Variants in JUP observed in about 807,000 individuals in gnomAD.
The protein encoded by JUP is catenin (cadherin-associated protein), gamma 80kDa.
JUP carries 28 observed loss-of-function variants against 71.1 expected under a neutral mutation model. The observed-to-expected ratio is 0.39, with a 90% CI of 0.29 to 0.54. The LOEUF is 0.54. Among genes scored for constraint, JUP ranks in the 20% least tolerant of loss-of-function variants. The pLI, the probability that JUP is intolerant of heterozygous loss-of-function variation, is 0.62. For missense variants in JUP, 869 were observed against 1,030.1 expected (o/e 0.84, Z 2.14); for synonymous variants, 401 against 438.9 (o/e 0.91, Z 1.08).
intron 1 of JUP, chr17:41,786,148 G>A (rs541184156): frequency 6.6e-6 from 1 of 152,282 alleles, no homozygotes; most frequent in African/African-American, 2.4e-5. Flanking sequence ...CGAGGATGAC[G>A]CGTGGGGTGG....
chr17:41,760,237 TTTTTTTTGTTTGTTTG>T (rs782573612), intron 8 of JUP, among the ~76,000 whole-genome samples: 20 of 151,196 alleles, frequency 1.3e-4, no homozygotes, highest in Non-Finnish European at 2.2e-4. Context: ...CTGCACTGGG[TTTTTTTTGTTTGTTTG>T]TTTTTTTGTT....
intron 2 of JUP, among the ~76,000 whole-genome samples, chr17:41,770,189 A>T (rs1472640930): frequency 6.6e-6 from 1 of 152,088 alleles, no homozygotes; most frequent in Non-Finnish European, 1.5e-5. Flanking sequence ...CAATCCTCCC[A>T]CTATACAGGC....
intron 1 of JUP, among the ~76,000 whole-genome samples, chr17:41,782,136 G>C (rs1288719856): frequency 6.6e-6 from 1 of 152,054 alleles, no homozygotes; most frequent in African/African-American, 2.4e-5. Context: ...CCAAATCCAG[G>C]CCCATTCTGG....
intron 5 of JUP, among the ~76,000 whole-genome samples, chr17:41,766,014 G>C (rs1308739917): frequency 6.6e-6 from 1 of 152,108 alleles, no homozygotes; most frequent in Non-Finnish European, 1.5e-5. Flanking sequence ...CCAGCATTTC[G>C]GAGGCTGAAG....
At chr17:41,777,014 A>G (rs2046918777) in intron 1 of JUP, among the ~76,000 whole-genome samples, 1 of 152,216 alleles carries the variant, frequency 6.6e-6, no homozygotes, top group Non-Finnish European at 1.5e-5. Context: ...CTCAAAAAAA[A>G]AGAAAAATAA....
chr17:41,778,627 T>A (rs1282118045), intron 1 of JUP, among the ~76,000 whole-genome samples: 1 of 150,926 alleles, frequency 6.6e-6, no homozygotes, highest in East Asian at 2.0e-4. Flanking sequence ...AACAAAAGGA[T>A]GTTGCCGAGC....
rs1474049668 is a variant in JUP at position 41,754,691 on chromosome 17, A to C, written c.*1053T>G. ...AAACATAAAGCGATAATAATAAAAC[A>C]CTCTGCTTGGACCTCCCCCAGCCCC... is the stretch of plus-strand genomic sequence containing the variant. On this transcript the variant is annotated 3_prime_UTR_variant, in exon 14 of 14. Coordinates refer to ENST00000393931, the MANE Select transcript of JUP (RefSeq NM_002230.4). 1 of 152,702 alleles carries C rather than the reference A, an allele frequency of 6.5e-6. No individual in the cohort carries two copies. The highest frequency in any genetic ancestry group is 1.5e-5 in the Non-Finnish European group (1 of 68,110). The allele number at this position is 152,702 out of a possible 1,614,324, so 9.5% of individuals were successfully genotyped here. A position where few individuals can be genotyped will look rare whatever the true frequency, so the allele number is the denominator to read the frequency against.
chr17:41,763,718 G>T (rs1484505476), intron 7 of JUP, among the ~76,000 whole-genome samples: 2 of 152,116 alleles, frequency 1.3e-5, no homozygotes, highest in African/African-American at 4.8e-5. Flanking sequence ...TGAGGGGGCC[G>T]CATGATTCAG....
intron 1 of JUP, among the ~76,000 whole-genome samples, chr17:41,778,018 G>A (rs1458653082): frequency 1.3e-5 from 2 of 152,198 alleles, no homozygotes; most frequent in Non-Finnish European, 2.9e-5. Context: ...GTTGACGTGT[G>A]TTGGTGACGC....
intron 1 of JUP, among the ~76,000 whole-genome samples, chr17:41,783,912 A>G (rs1368705921): frequency 6.6e-6 from 1 of 151,526 alleles, no homozygotes; most frequent in Non-Finnish European, 1.5e-5. Context: ...AAAAAAAAAA[A>G]AAAAAGAAAG....
At chr17:41,781,569 G>C (rs544351702) in intron 1 of JUP, among the ~76,000 whole-genome samples, 17 of 152,270 alleles carry the variant, frequency 1.1e-4, no homozygotes, top group African/African-American at 4.1e-4. Flanking sequence ...TCACTTGCAG[G>C]AACACAAGCC....
intron 10 of JUP, among the ~76,000 whole-genome samples, 187 bp from the exon 11 acceptor site, chr17:41,757,971 T>G (rs1393287995): frequency 6.6e-6 from 1 of 152,208 alleles, no homozygotes; most frequent in East Asian, 1.9e-4. Flanking sequence ...ACCTTGAAAT[T>G]ACCTGTGACT....
chr17:41,773,698 G>A (rs1917025246), intron 1 of JUP, among the ~76,000 whole-genome samples: 1 of 152,282 alleles, frequency 6.6e-6, no homozygotes, highest in East Asian at 1.9e-4. Flanking sequence ...GGGGCGGGGG[G>A]CGGGGTGCTC....
intron 1 of JUP, among the ~76,000 whole-genome samples, chr17:41,775,776 G>T (rs928919531): frequency 6.6e-6 from 1 of 152,188 alleles, no homozygotes. Context: ...TGGAGAGGGG[G>T]TGCAGAGGAC....
intron 9 of JUP, 92 bp downstream of exon 9, chr17:41,758,623 A>G (rs1271643552): frequency 2.5e-6 from 4 of 1,572,570 alleles, no homozygotes; most frequent in Non-Finnish European, 3.5e-6. Flanking sequence ...AATTGGCATC[A>G]GTTGCAACTG....
rs782611253 is a variant in JUP, at chr17:41,767,436, G to A, written c.852C>T (p.Phe284=). The stretch of plus-strand genomic sequence containing the variant: ...GCAGGCAGTCGGTGGTGATGGCCAG[G>A]AACTTGGGGTTGTTCTTGTTGAGCA... The part of the protein sequence containing the change: ...VPLLNKNNPK[F]LAITTDCLQL... Residue 284 remains phenylalanine (F), a synonymous_variant, in exon 5 of 14, where the codon TTC becomes TTT. Transcript: ENST00000393931. 1 of 1,614,182 alleles carries A rather than the reference G, an allele frequency of 6.2e-7. No homozygotes were observed. Among genetic ancestry groups the A allele is most frequent in the Admixed American group, 1.7e-5 (1 of 60,020 alleles).
intron 1 of JUP, among the ~76,000 whole-genome samples, chr17:41,783,716 C>G (rs1187421154): frequency 9.2e-5 from 14 of 151,620 alleles, no homozygotes; most frequent in African/African-American, 3.1e-4. Context: ...GTCAGGAGAT[C>G]AAGACCAGCC....
Position 41,764,710 on chromosome 17 carries a change from C to T in JUP, c.1158+3G>A. On this transcript the variant is annotated splice_donor_region_variant and intron_variant, in intron 7 of 13. Transcript: ENST00000393931. The stretch of plus-strand genomic sequence containing the variant: ...CAACCCCAGGCCCAGATACCTCCCT[C>T]ACCTGCTTGGTGGCCACATCTGAGA... 1.2e-6 allele frequency: 2 copies of T among 1,612,214 alleles called. No individual in the cohort carries two copies. The highest frequency in any genetic ancestry group is 1.7e-6 in the Non-Finnish European group (2 of 1,179,664).
In JUP at chr17:41,764,811, T is replaced by A. The variant is rs371641460; in HGVS notation, c.1060A>T (p.Met354Leu). ...NKPAIVEAGG[M>L]QALGKHLTSN... ...GTCAGGTGCTTGCCCAGGGCCTGCA[T>A]CCCACCTGGGGCAGGGATAGGGGTG... Residue 354 changes from methionine (M) to leucine (L), a missense_variant, in exon 7 of 14, where the codon ATG becomes TTG. Physicochemically the swap from Met to Leu is conservative, Grantham distance 15 (BLOSUM62 2). Transcript: ENST00000393931. The A allele has an allele frequency of 6.2e-7, 1 of 1,613,698 alleles. No individual in the cohort carries two copies. Among genetic ancestry groups the A allele is most frequent in the South Asian group, 1.1e-5 (1 of 91,048 alleles).
Sources: gnomAD v4.1 joint callset for allele counts (sites outside exome capture counted in the v4.1 genomes callset) on GRCh38, gnomAD v4.1.1 for gene constraint, MANE v1.5 for transcripts, NCBI Gene and HGNC (gene_info 2026-07-23, HGNC 2026-07-21) for gene names.